CACNA1A: variants seen among roughly 807,000 people sequenced by gnomAD.
The protein encoded by CACNA1A is calcium voltage-gated channel subunit alpha1 A.
A neutral mutation model predicts 262.4 loss-of-function variants in CACNA1A; 57 were observed. That is an observed-to-expected ratio of 0.22 (90% CI 0.18 to 0.27). The LOEUF is 0.27. Among genes scored for constraint, CACNA1A ranks in the 10% least tolerant of loss-of-function variants. The pLI, the probability that CACNA1A is intolerant of heterozygous loss-of-function variation, is 1.00. For missense variants in CACNA1A, 2,526 were observed against 3,562.8 expected, an observed-to-expected ratio of 0.71 and a Z score of 7.41; for synonymous variants, 1,431 against 1,419.3, an observed-to-expected ratio of 1.01 and a Z score of -0.18.
intron 18 of CACNA1A, 80 bp from the exon 19 acceptor site, chr19:13,299,433 A>C: frequency 8.5e-7 from 1 of 1,169,932 alleles, no homozygotes; most frequent in South Asian, 1.3e-5. Flanking sequence ...ACCAACCCAC[A>C]TCTCAGCCTC....
intron 3 of CACNA1A, among the ~76,000 whole-genome samples, chr19:13,377,509 T>C (rs1281043251): frequency 6.6e-6 from 1 of 151,482 alleles, no homozygotes; most frequent in East Asian, 2.0e-4. Context: ...ATTACAGTCA[T>C]ACGCCACCAT....
intron 1 of CACNA1A, among the ~76,000 whole-genome samples, chr19:13,469,386 A>G (rs1298251536): frequency 6.7e-6 from 1 of 150,220 alleles, no homozygotes; most frequent in Non-Finnish European, 1.5e-5. Context: ...AAGCCACTCC[A>G]GCTATGCATG....
At chr19:13,295,921 T>C (rs80297566) in intron 19 of CACNA1A, among the ~76,000 whole-genome samples, 7,050 of 152,302 alleles carry the variant, frequency 0.046, 239 homozygotes, top group South Asian at 0.11. Flanking sequence ...CTAGACTCTT[T>C]TGTATATGGA....
intron 34 of CACNA1A, 79 bp from the exon 35 acceptor site, chr19:13,231,939 C>G: frequency 6.9e-7 from 1 of 1,448,826 alleles, no homozygotes; most frequent in East Asian, 2.3e-5. Flanking sequence ...GTGGAGCACA[C>G]ACGTTGAGCA....
intron 29 of CACNA1A, 107 bp from the exon 30 acceptor site, chr19:13,253,208 C>G (rs1293372883): frequency 1.5e-6 from 1 of 661,506 alleles, no homozygotes; most frequent in Non-Finnish European, 2.7e-6. Context: ...CAGCCCCAGG[C>G]AAGGTCTGAG....
chr19:13,382,395 T>A (rs2059538996), intron 3 of CACNA1A, among the ~76,000 whole-genome samples: 1 of 152,076 alleles, frequency 6.6e-6, no homozygotes, highest in Non-Finnish European at 1.5e-5. Context: ...CCCAGCTGGC[T>A]CCCAAGATGC....
chr19:13,207,205 C>T lies in CACNA1A; in HGVS notation c.*108G>A. On this transcript the variant is annotated 3_prime_UTR_variant, in exon 47 of 47. Transcript: ENST00000360228. The surrounding 1 kb of genome is among the most constrained non-coding windows in gnomAD (Gnocchi z 5.7). ...AGAGTCTGGGGTCTCCCGGCTGGCC[C>T]TCTCCCGGGCCCTCTGTGCTGGGCC... 2 of 1,238,332 alleles carry T rather than the reference C, an allele frequency of 1.6e-6. No individual in the cohort carries two copies. Among genetic ancestry groups the T allele is most frequent in the East Asian group, 3.2e-5 (1 of 30,878 alleles). 76.7% of individuals were successfully genotyped at this position (1,238,332 alleles called of 1,614,324 possible).
chr19:13,362,363 AATTT>A (rs1472579320), intron 5 of CACNA1A: 2 of 149,060 alleles, frequency 1.3e-5, no homozygotes, highest in Non-Finnish European at 2.9e-5. Flanking sequence ...ATGCCCGGCT[AATTT>A]ATTTTTTTTG....
At chr19:13,229,782 T>G (rs1452610560) in intron 36 of CACNA1A, 3 of 264,880 alleles carry the variant, frequency 1.1e-5, no homozygotes, top group Non-Finnish European at 1.4e-5. Context: ...ATCTGGAGAC[T>G]TCACAGTGAG....
intron 26 of CACNA1A, 187 bp downstream of exon 26, chr19:13,261,263 C>G (rs2056727973): frequency 1.8e-6 from 1 of 562,432 alleles, no homozygotes; most frequent in Admixed American, 3.2e-5. Flanking sequence ...TTCTGTGGCT[C>G]TGGGTGGTGA....
At chr19:13,276,622 T>C (rs1467612079) in intron 23 of CACNA1A, among the ~76,000 whole-genome samples, 1 of 152,096 alleles carries the variant, frequency 6.6e-6, no homozygotes, top group Non-Finnish European at 1.5e-5. Flanking sequence ...ACACCAGGCA[T>C]TTCTAATCCT....
chr19:13,408,899 G>A lies in CACNA1A; in HGVS notation c.540-37120C>T, dbSNP rs1762338703. Reference sequence around the variant, plus strand: ...TAGGATGAAGGCTGAAGAGTGGGGTGGGAGGCAGGGACGAGGAAGGAGATG... The same window carrying A: ...TAGGATGAAGGCTGAAGAGTGGGGTAGGAGGCAGGGACGAGGAAGGAGATG... On this transcript the variant is annotated intron_variant, in intron 3 of 46. Coordinates refer to ENST00000360228, the MANE Select transcript of CACNA1A (RefSeq NM_001127222.2). Among the ~76,000 whole-genome samples, 5 of 152,318 alleles carry A rather than the reference G, an allele frequency of 3.3e-5. No individual in the cohort carries two copies. In the South Asian group the frequency reaches 1.0e-3, roughly 32 times the overall value.
chr19:13,455,269 AC>A, intron 1 of CACNA1A, 57 bp from the exon 2 acceptor site: 1 of 983,386 alleles, frequency 1.0e-6, no homozygotes, highest in East Asian at 2.4e-5. Flanking sequence ...TTGGAGGTGC[AC>A]CCACCCCCAC....
At chr19:13,479,708 A>G (rs1220577379) in intron 1 of CACNA1A, among the ~76,000 whole-genome samples, 1 of 152,220 alleles carries the variant, frequency 6.6e-6, no homozygotes, top group East Asian at 1.9e-4. Context: ...CAGACAAACA[A>G]GCCTGGAGTC....
chr19:13,453,901 A>C (rs1169663305), intron 2 of CACNA1A, among the ~76,000 whole-genome samples: 3 of 152,146 alleles, frequency 2.0e-5, no homozygotes, highest in Non-Finnish European at 2.9e-5. Context: ...TTTTAAGTGA[A>C]AATGCAAAGA....
intron 3 of CACNA1A, among the ~76,000 whole-genome samples, chr19:13,431,418 T>A (rs917414815): frequency 6.6e-6 from 1 of 151,840 alleles, no homozygotes; most frequent in Non-Finnish European, 1.5e-5. Context: ...CATAGAGGCA[T>A]AGAGGAAGAT....
At chr19:13,231,234 T>C (rs2055656083) in intron 35 of CACNA1A, among the ~76,000 whole-genome samples, 1 of 151,440 alleles carries the variant, frequency 6.6e-6, no homozygotes. Context: ...AGGCTGGTCT[T>C]GTATTCCTGG....
intron 3 of CACNA1A, among the ~76,000 whole-genome samples, chr19:13,375,929 G>A (rs140815357): frequency 2.0e-5 from 3 of 152,332 alleles, no homozygotes; most frequent in African/African-American, 7.2e-5. Context: ...CAGGCTTCTT[G>A]CTGACATGGA....
chr19:13,506,330 C>T lies in CACNA1A; in HGVS notation c.-106G>A. ...GCTGAGGCTGCCGGGGCTGGGAGCG[C>T]GGCGGCTGGAGCTACGACTGCGGAG... On this transcript the variant is annotated 5_prime_UTR_variant, in exon 1 of 47. Coordinates refer to ENST00000360228, the MANE Select transcript of CACNA1A (RefSeq NM_001127222.2). The T allele has an allele frequency of 1.8e-6, 2 of 1,108,864 alleles. No homozygotes were observed. The highest frequency in any genetic ancestry group is 2.4e-6 in the Non-Finnish European group (2 of 837,294). 68.7% of individuals were successfully genotyped at this position (1,108,864 alleles called of 1,614,324 possible).
Sources: allele counts gnomAD v4.1 joint callset (sites outside exome capture counted in the v4.1 genomes callset), GRCh38; gene constraint gnomAD v4.1.1; non-coding constraint Gnocchi (gnomAD v3.1); transcripts MANE v1.5; gene names NCBI Gene and HGNC (gene_info 2026-07-23, HGNC 2026-07-21).